The following COL22A1 variants were observed in gnomAD, a reference collection of about 807,000 sequenced individuals.
COL22A1 encodes the protein collagen type XXII alpha 1 chain, also known as collagen alpha-1(XXII) chain.
Under a neutral mutation model 248.9 loss-of-function variants are expected in COL22A1, and 221 were observed. The observed-to-expected ratio is 0.89, with a 90% CI of 0.80 to 0.99. The LOEUF is 0.99. Among genes scored for constraint, COL22A1 ranks in the 50% least tolerant of loss-of-function variants. The probability of loss-of-function intolerance (pLI) is 0.00; values close to 1 mark genes in which losing one functional copy is unlikely to be tolerated. For synonymous variants in COL22A1, 891 were observed against 793.4 expected, an observed-to-expected ratio of 1.12 and a Z score of -2.07; for missense variants, 2,240 against 2,179.0, an observed-to-expected ratio of 1.03 and a Z score of -0.56.
intron 45 of COL22A1, among the ~76,000 whole-genome samples, chr8:138,650,612 T>C: frequency 6.6e-6 from 1 of 152,140 alleles, no homozygotes; most frequent in Non-Finnish European, 1.5e-5. Context: ...CCTCTCTCCT[T>C]GTGATCGGAG....
chr8:138,735,468 A>G (rs1375083029), intron 23 of COL22A1, among the ~76,000 whole-genome samples: 1 of 152,230 alleles, frequency 6.6e-6, no homozygotes, highest in Non-Finnish European at 1.5e-5. Context: ...AAATGACTTC[A>G]AAGTTAAAAA....
rs768938254 is a variant in COL22A1, at chr8:138,771,881, C to T, written c.1803+4085G>A. ...GAGCTCTTTGCTTCTCTGGGAAAGC[C>T]GACTGCACCGCGCCTCAGGAGCTCA... On this transcript the variant is annotated intron_variant, in intron 16 of 64. Transcript: ENST00000303045. 3.9e-5 allele frequency among the ~76,000 whole-genome samples: 6 copies of T among 152,264 alleles called. No individual in the cohort carries two copies. The South Asian group carries it at 6.2e-4, about 16-fold the overall frequency.
chr8:138,728,372 C>T (rs958145867), intron 23 of COL22A1, among the ~76,000 whole-genome samples: 4 of 152,116 alleles, frequency 2.6e-5, no homozygotes, highest in Admixed American at 6.5e-5. Flanking sequence ...CCCAAGCCCA[C>T]AGAGCATATC....
At chr8:138,638,364 T>A (rs776382351) in intron 47 of COL22A1, among the ~76,000 whole-genome samples, 3 of 152,202 alleles carry the variant, frequency 2.0e-5, no homozygotes, top group Non-Finnish European at 2.9e-5. Context: ...AAGCATATCA[T>A]GTCCACTCTC....
chr8:138,819,258 G>A (rs952276919), intron 7 of COL22A1, among the ~76,000 whole-genome samples: 18 of 152,080 alleles, frequency 1.2e-4, no homozygotes, highest in Admixed American at 9.8e-4. Context: ...GACAGACCAG[G>A]AAACAATTTT....
rs192539096 is a variant in COL22A1, at chr8:138,649,690, C to T, written c.3422G>A (p.Gly1141Glu). Residue 1141 changes from glycine to glutamate, a missense_variant, in exon 46 of 65, where the codon GGG (glycine) becomes GAG (glutamate). Transcript: ENST00000303045. The stretch of plus-strand genomic sequence containing the variant: ...CTTTTTCCCTTCTGTGCCTTCTCTC[C>T]CTGGCTTTCCTGGGACACCTTTGTC... The part of the protein sequence containing the change: ...KGDKGVPGKP[G>E]REGTEGKKGE... 6.2e-6 allele frequency: 10 copies of T among 1,613,418 alleles called. No homozygotes were observed. In the Admixed American group the frequency reaches 1.5e-4, roughly 24 times the overall value.
intron 56 of COL22A1, among the ~76,000 whole-genome samples, chr8:138,609,059 C>G (rs903909575): frequency 5.9e-5 from 9 of 152,230 alleles, no homozygotes; most frequent in African/African-American, 2.2e-4. Flanking sequence ...AGCATGCATT[C>G]ACAAATGCGT....
intron 51 of COL22A1, among the ~76,000 whole-genome samples, chr8:138,625,592 T>A (rs1348709082): frequency 6.6e-6 from 1 of 152,216 alleles, no homozygotes; most frequent in Non-Finnish European, 1.5e-5. Context: ...GTCAAGAACC[T>A]TAGATGTTTC....
rs377129806 is a variant in COL22A1 at position 138,589,307 on chromosome 8, C to T, written c.4827G>A (p.Gln1609=). ...PGPPGQCDPS[Q]CAYFASLAAR... is the part of the protein sequence containing the mutation. ...CAGCAAGGCTGGCGAAGTAGGCACA[C>T]TGGGAAGGGTCACATTGGCCTGGGG... is the stretch of plus-strand genomic sequence containing the variant. The change falls in exon 65 of 65, where the codon CAG becomes CAA. Residue 1609 remains glutamine, a synonymous_variant. Coordinates refer to ENST00000303045, the MANE Select transcript of COL22A1 (RefSeq NM_152888.3). 1.9e-6 allele frequency: 3 copies of T among 1,613,700 alleles called. No homozygotes were observed. Among genetic ancestry groups the T allele is most frequent in the Non-Finnish European group, 1.7e-6 (2 of 1,179,850 alleles).
chr8:138,639,502 A>G (rs1357708785), intron 47 of COL22A1, among the ~76,000 whole-genome samples: 3 of 152,206 alleles, frequency 2.0e-5, no homozygotes, highest in Admixed American at 2.0e-4. Context: ...TGCACTGGGC[A>G]TTCATATTTA....
At chr8:138,663,153 G>A (rs1824135817) in intron 42 of COL22A1, among the ~76,000 whole-genome samples, 1 of 152,208 alleles carries the variant, frequency 6.6e-6, no homozygotes, top group African/African-American at 2.4e-5. Context: ...TTCCCCTGGG[G>A]TGAATTTATA....
intron 42 of COL22A1, 35 bp downstream of exon 42, chr8:138,663,670 T>C (rs776430466): frequency 1.5e-5 from 23 of 1,527,182 alleles, no homozygotes; most frequent in East Asian, 2.2e-5. Context: ...ATTCCTCCCA[T>C]AGAAACTCAT....
At chr8:138,865,562 T>C (rs916175827) in intron 3 of COL22A1, among the ~76,000 whole-genome samples, 2 of 151,446 alleles carry the variant, frequency 1.3e-5, no homozygotes, top group Non-Finnish European at 2.9e-5. Flanking sequence ...TGAGTGTATG[T>C]GTGTGTATGT....
chr8:138,784,696 G>A (rs1815355961), intron 12 of COL22A1, among the ~76,000 whole-genome samples: 1 of 152,086 alleles, frequency 6.6e-6, no homozygotes, highest in Non-Finnish European at 1.5e-5. Context: ...TTATTACAAG[G>A]CGCCAGGCAC....
intron 1 of COL22A1, among the ~76,000 whole-genome samples, chr8:138,889,250 C>A (rs529807921): frequency 2.6e-5 from 4 of 152,128 alleles, no homozygotes; most frequent in Non-Finnish European, 5.9e-5. Flanking sequence ...TCAATGGATA[C>A]AACAAATCCA....
intron 54 of COL22A1, among the ~76,000 whole-genome samples, chr8:138,616,670 C>T (rs147880449): frequency 2.0e-5 from 3 of 152,332 alleles, no homozygotes; most frequent in African/African-American, 7.2e-5. Context: ...TGAGTCCAGA[C>T]TTATTTGGCC....
rs1819071181 is a variant in COL22A1, at chr8:138,613,517, A to C, written c.3978+350T>G. Among the ~76,000 whole-genome samples, 3 of 152,192 alleles carry C rather than the reference A, an allele frequency of 2.0e-5. No homozygotes were observed. The South Asian group carries it at 6.2e-4, about 32-fold the overall frequency. On this transcript the variant is annotated intron_variant, in intron 56 of 64. Coordinates refer to ENST00000303045, the MANE Select transcript of COL22A1 (RefSeq NM_152888.3). ...TTCTGCCACGTACCACATTCCATTCATGGTACTTGGTTACAGCAGCCTCGG... is the reference window on the plus strand; with the variant it reads ...TTCTGCCACGTACCACATTCCATTCCTGGTACTTGGTTACAGCAGCCTCGG...
intron 4 of COL22A1, among the ~76,000 whole-genome samples, chr8:138,840,426 G>A (rs780410848): frequency 1.1e-4 from 16 of 152,138 alleles, no homozygotes; most frequent in Middle Eastern, 6.8e-3. Context: ...TGACACAGGA[G>A]GGCCCATAAT....
At chr8:138,676,693 G>T in intron 40 of COL22A1, 58 bp from the exon 41 acceptor site, 1 of 1,234,922 alleles carries the variant, frequency 8.1e-7, no homozygotes, top group Non-Finnish European at 1.1e-6. Context: ...GAGGGCTAGG[G>T]TACAAAATGA....
Sources: allele counts gnomAD v4.1 joint callset (sites outside exome capture counted in the v4.1 genomes callset), GRCh38; gene constraint gnomAD v4.1.1; transcripts MANE v1.5; gene names NCBI Gene and HGNC (gene_info 2026-07-23, HGNC 2026-07-21).